CELF2: variants seen among roughly 807,000 people sequenced by gnomAD.
CELF2 encodes CUG triplet repeat RNA-binding protein 2.
Under a neutral mutation model 62.6 loss-of-function variants are expected in CELF2, and 8 were observed. The ratio of observed to expected loss-of-function variants is 0.13; its 90% CI spans 0.07 to 0.23. The LOEUF is 0.23. Among genes scored for constraint, CELF2 ranks in the 10% least tolerant of loss-of-function variants. The pLI is 1.00. For missense variants in CELF2, 333 were observed against 671.0 expected (o/e 0.50, Z 5.56); for synonymous variants, 258 against 250.0 (o/e 1.03, Z -0.30).
chr10:11,233,238 A>C (rs1010771508), intron 3 of CELF2, among the ~76,000 whole-genome samples: 1 of 152,176 alleles, frequency 6.6e-6, no homozygotes, highest in Non-Finnish European at 1.5e-5. Flanking sequence ...GGAAAAAGAG[A>C]AAAAGACACC....
rs114596974 is a variant in CELF2, at chr10:11,159,697, T to G, written c.75-5789T>G. 5.0e-3 allele frequency among the ~76,000 whole-genome samples: 756 copies of G among 152,344 alleles called. 6 individuals are homozygous for G. Among genetic ancestry groups the G allele is most frequent in the African/African-American group, 0.017 (727 of 41,572 alleles). ...TTAATATTAATGAATTTCATGTCTGTCCTGTTACCCGCCGGAGGCACCAGG... is the reference window on the plus strand; with the variant it reads ...TTAATATTAATGAATTTCATGTCTGGCCTGTTACCCGCCGGAGGCACCAGG... On this transcript the variant is annotated intron_variant, in intron 1 of 12. Transcript: ENST00000633077. The surrounding 1 kb of genome is among the most constrained non-coding windows in gnomAD (Gnocchi z 5.0).
Position 11,328,760 on chromosome 10 carries a change from A to T in CELF2, c.1439-166A>T. Among the ~76,000 whole-genome samples, 1 of 150,488 alleles carries T rather than the reference A, an allele frequency of 6.6e-6. No individual in the cohort carries two copies. Among genetic ancestry groups the T allele is most frequent in the Non-Finnish European group, 1.5e-5 (1 of 67,994 alleles). ...CACAGCTGCTCAGTGGGCACGCCCC[A>T]TCATCCACTCACGGTGGACTCACGA... On this transcript the variant is annotated intron_variant, in intron 12 of 12. Coordinates refer to ENST00000633077, the MANE Select transcript of CELF2 (RefSeq NM_001326342.2). The surrounding 1 kb of genome is among the most constrained non-coding windows in gnomAD (Gnocchi z 6.4).
At chr10:10,638,694 C>A in the CELF2 span, among the ~76,000 whole-genome samples, 1 of 152,128 alleles carries the variant, frequency 6.6e-6, no homozygotes, top group African/African-American at 2.4e-5. Flanking sequence ...AGTCATTAGC[C>A]ACAGGTGCCT....
At chr10:10,857,137 T>C (rs2059762536) in intron 1 of CELF2, among the ~76,000 whole-genome samples, 1 of 152,010 alleles carries the variant, frequency 6.6e-6, no homozygotes, top group African/African-American at 2.4e-5. Flanking sequence ...GAAGCTGGAG[T>C]AGCTTTGCAG....
At chr10:11,019,161 GATCT>G (rs2057879412) in intron 1 of CELF2, among the ~76,000 whole-genome samples, 2 of 152,150 alleles carry the variant, frequency 1.3e-5, no homozygotes, top group Admixed American at 6.5e-5. Context: ...GGGTCAGTAG[GATCT>G]ATTTGTATTT....
chr10:10,689,799 C>A, the CELF2 span, among the ~76,000 whole-genome samples: 4 of 152,156 alleles, frequency 2.6e-5, no homozygotes, highest in Non-Finnish European at 5.9e-5. Context: ...TCACATTATG[C>A]AACAAATTTA....
intron 1 of CELF2, among the ~76,000 whole-genome samples, chr10:11,104,041 C>G (rs1190918708): frequency 6.6e-6 from 1 of 152,170 alleles, no homozygotes; most frequent in Non-Finnish European, 1.5e-5. Flanking sequence ...AATAGACTGA[C>G]ACTACCCTTT....
intron 1 of CELF2, among the ~76,000 whole-genome samples, chr10:10,863,120 C>A (rs77664167): frequency 6.6e-6 from 1 of 152,154 alleles, no homozygotes; most frequent in African/African-American, 2.4e-5. Context: ...AAGCGAAAAC[C>A]GTACAGTGGT....
At chr10:11,041,998 G>A (rs186901905) in intron 1 of CELF2, among the ~76,000 whole-genome samples, 2 of 152,292 alleles carry the variant, frequency 1.3e-5, no homozygotes, top group Admixed American at 6.5e-5. Context: ...ATAATTATGG[G>A]TACATAGTTA....
rs574026893 is a variant in CELF2 at position 11,010,248 on chromosome 10, C to A, written c.53+4808C>A. The A allele has an allele frequency of 6.6e-6, 1 of 152,174 alleles. No homozygotes were observed. The highest frequency in any genetic ancestry group is 2.4e-5 in the African/African-American group (1 of 41,442). The allele number at this position is 152,174 out of a possible 1,614,324, so 9.4% of individuals were successfully genotyped here. A position where few individuals can be genotyped will look rare whatever the true frequency, so the allele number is the denominator to read the frequency against. On this transcript the variant is annotated intron_variant, in intron 1 of 12. Coordinates refer to the CELF2 transcript ENST00000416382. The surrounding 1 kb of genome is among the most constrained non-coding windows in gnomAD (Gnocchi z 4.1). ...TTTATGAAAAACGATTTGATAAAAA[C>A]GAATGGAGACCCCATTCCAAGCCTC...
At chr10:11,103,352 T>C (rs1326628107) in intron 1 of CELF2, among the ~76,000 whole-genome samples, 1 of 152,122 alleles carries the variant, frequency 6.6e-6, no homozygotes, top group Admixed American at 6.5e-5. Flanking sequence ...TTTTGCTTTT[T>C]TTATTCCCAT....
At chr10:10,685,020 C>T in the CELF2 span, among the ~76,000 whole-genome samples, 3 of 152,034 alleles carry the variant, frequency 2.0e-5, no homozygotes, top group African/African-American at 7.2e-5. Context: ...CAAACAACCA[C>T]CGGAGACCAA....
intron 2 of CELF2, among the ~76,000 whole-genome samples, chr10:10,937,756 G>C (rs973357132): frequency 2.0e-5 from 3 of 152,090 alleles, no homozygotes; most frequent in East Asian, 3.9e-4. Flanking sequence ...TTTGTGTGAA[G>C]TAATTGAGTT....
chr10:10,917,587 T>A (rs1364984800), intron 1 of CELF2, among the ~76,000 whole-genome samples: 1 of 152,080 alleles, frequency 6.6e-6, no homozygotes, highest in Non-Finnish European at 1.5e-5. Context: ...GCCGTCCTCC[T>A]GCCTCAGCCT....
rs989835996 is a variant in CELF2, at chr10:11,314,099, C to T, written c.977-40C>T. 3.8e-6 allele frequency: 6 copies of T among 1,577,858 alleles called. No homozygotes were observed. The highest frequency in any genetic ancestry group is 2.3e-5 in the East Asian group (1 of 44,396). On this transcript the variant is annotated intron_variant, in intron 9 of 12. Transcript: ENST00000633077. This position sits in a 1 kb window ranked among gnomAD's most constrained non-coding sequence, Gnocchi z 5.3. ...TTCCAGTCTCGGCTCTCACTCACCT[C>T]GTGTCTTCTCTCCCCTTGTCTCTGT...
chr10:11,102,697 A>T (rs2052051780), intron 1 of CELF2, among the ~76,000 whole-genome samples: 1 of 152,064 alleles, frequency 6.6e-6, no homozygotes, highest in African/African-American at 2.4e-5. Flanking sequence ...GTAATTTTGG[A>T]TTGGAAATCT....
In CELF2 at chr10:10,928,201, G is replaced by C. The variant is rs932989685; in HGVS notation, c.89+8202G>C. ...TCTGTTCCCTTCCCCCTTAGCTCCA[G>C]AACAATGTCTCCCTTGCCTGTCCGG... On this transcript the variant is annotated intron_variant, in intron 2 of 13. Coordinates refer to the CELF2 transcript ENST00000636488. This position sits in a 1 kb window ranked among gnomAD's most constrained non-coding sequence, Gnocchi z 4.8. 6.6e-6 allele frequency among the ~76,000 whole-genome samples: 1 copy of C among 152,078 alleles called. No homozygotes were observed. The highest frequency in any genetic ancestry group is 2.1e-4 in the South Asian group (1 of 4,830).
chr10:10,852,658 C>G (rs566591468), intron 1 of CELF2, among the ~76,000 whole-genome samples: 2 of 152,292 alleles, frequency 1.3e-5, no homozygotes, highest in South Asian at 4.1e-4. Flanking sequence ...CTGTCCACAT[C>G]ATGGTTGTGA....
the CELF2 span, among the ~76,000 whole-genome samples, chr10:10,463,860 A>AT: frequency 6.7e-6 from 1 of 149,428 alleles, no homozygotes; most frequent in Non-Finnish European, 1.5e-5. Flanking sequence ...TTATTTTTTT[A>AT]TTTTTTGTCC....
Sources: gnomAD v4.1 joint callset for allele counts (sites outside exome capture counted in the v4.1 genomes callset) on GRCh38, gnomAD v4.1.1 for gene constraint, Gnocchi (gnomAD v3.1) non-coding constraint, MANE v1.5 for transcripts, NCBI Gene and HGNC (gene_info 2026-07-23, HGNC 2026-07-21) for gene names.